The following HYAL2 variants were observed in gnomAD, a reference collection of about 807,000 sequenced individuals.
HYAL2 encodes hyaluronidase 2, also known as hyaluronidase-2.
HYAL2 carries 30 observed loss-of-function variants against 35.4 expected under a neutral mutation model. That is an observed-to-expected ratio of 0.85 (90% CI 0.63 to 1.15). The LOEUF is 1.15. Among genes scored for constraint, HYAL2 ranks in the 50% most tolerant of loss-of-function variants. The pLI is 0.00. For synonymous variants in HYAL2, 262 were observed against 252.8 expected, an observed-to-expected ratio of 1.04 and a Z score of -0.34; for missense variants, 635 against 646.5, an observed-to-expected ratio of 0.98 and a Z score of 0.19.
rs1210046032 is a variant in HYAL2 at position 50,318,711 on chromosome 3, G to A, written c.1012-172C>T. ...CCTGCTCCTGCTGAGAAGTGGGTGGGGGTACAGACCGGAACCCAGTTGGGC... is the reference window on the plus strand; with the variant it reads ...CCTGCTCCTGCTGAGAAGTGGGTGGAGGTACAGACCGGAACCCAGTTGGGC... On this transcript the variant is annotated intron_variant, in intron 3 of 3. Coordinates refer to ENST00000357750, the MANE Select transcript of HYAL2 (RefSeq NM_003773.5). The surrounding 1 kb of genome is among the most constrained non-coding windows in gnomAD (Gnocchi z 4.5). 4.0e-6 allele frequency: 3 copies of A among 746,448 alleles called. No homozygotes were observed. Among genetic ancestry groups the A allele is most frequent in the Non-Finnish European group, 6.4e-6 (3 of 465,510 alleles). 46.2% of individuals were successfully genotyped at this position (746,448 alleles called of 1,614,324 possible).
At position 50,317,861 on chromosome 3, in the gene HYAL2, T is replaced by A. The variant is rs1352503823; in HGVS notation, c.*268A>T. Reference sequence around the variant, plus strand: ...AGAGACCCCAAAATAATAATAATAATAAACTATCTAGGGCAAGGGAGTAGG... The same window carrying A: ...AGAGACCCCAAAATAATAATAATAAAAAACTATCTAGGGCAAGGGAGTAGG... On this transcript the variant is annotated 3_prime_UTR_variant, in exon 4 of 4. Coordinates refer to ENST00000357750, the MANE Select transcript of HYAL2 (RefSeq NM_003773.5). 4 of 374,548 alleles carry A rather than the reference T, an allele frequency of 1.1e-5. No individual in the cohort carries two copies. The highest frequency in any genetic ancestry group is 1.4e-5 in the Non-Finnish European group (3 of 209,002). 23.2% of individuals were successfully genotyped at this position (374,548 alleles called of 1,614,324 possible). A position where few individuals can be genotyped will look rare whatever the true frequency, so the allele number is the denominator to read the frequency against.
Position 50,318,312 on chromosome 3 carries a change from G to T in HYAL2, c.1239C>A (p.Leu413=). 1 of 1,613,524 alleles carries T rather than the reference G, an allele frequency of 6.2e-7. No individual in the cohort carries two copies. ...GEPQLRPVGE[L]SWADIDHLQT... is the part of the protein sequence containing the mutation. ...GCAGGTGGTCAATGTCGGCCCAACT[G>T]AGCTCCCCCACAGGTCGCAGCTGGG... is the stretch of plus-strand genomic sequence containing the variant. Residue 413 remains leucine (L), a synonymous_variant, in exon 4 of 4, where the codon CTC becomes CTA. Coordinates refer to ENST00000357750, the MANE Select transcript of HYAL2 (RefSeq NM_003773.5). This position sits in a 1 kb window ranked among gnomAD's most constrained non-coding sequence, Gnocchi z 4.5.
Position 50,320,194 on chromosome 3 carries a change from C to A in HYAL2, c.296G>T (p.Gly99Val), listed in dbSNP as rs1427733825. ...CCAAAGGCTGACATTCTGTGGCACA[C>A]CACCATGCACAGACCTTCCGGCAGA... ...FDSAGRSVHG[G>V]VPQNVSLWAH... is the part of the protein sequence containing the mutation. The change falls in exon 2 of 4, where the codon GGT becomes GTT. Residue 99 changes from glycine to valine, a missense_variant. Gly to Val is a moderately radical substitution (Grantham distance 109). Transcript: ENST00000357750. The surrounding 1 kb of genome is among the most constrained non-coding windows in gnomAD (Gnocchi z 4.8). 2 of 1,613,858 alleles carry A rather than the reference C, an allele frequency of 1.2e-6. No individual in the cohort carries two copies. Among genetic ancestry groups the A allele is most frequent in the Non-Finnish European group, 1.7e-6 (2 of 1,180,056 alleles).
chr3:50,320,077 C>T lies in HYAL2; in HGVS notation c.413G>A (p.Arg138Gln), dbSNP rs1553716356. Residue 138 changes from arginine to glutamine, a missense_variant, in exon 2 of 4, where the codon CGA (arginine) becomes CAA (glutamine). Physicochemically the swap from Arg to Gln is conservative, Grantham distance 43 (BLOSUM62 1). Coordinates refer to ENST00000357750, the MANE Select transcript of HYAL2 (RefSeq NM_003773.5). This position sits in a 1 kb window ranked among gnomAD's most constrained non-coding sequence, Gnocchi z 4.8. ...GLAVIDWEDW[R>Q]PVWVRNWQDK... is the part of the protein sequence containing the mutation. The stretch of plus-strand genomic sequence containing the variant: ...CTGCCAGTTGCGCACCCACACAGGT[C>T]GCCAGTCCTCCCAGTCGATGACCGC... 4 of 1,613,458 alleles carry T rather than the reference C, an allele frequency of 2.5e-6. No individual in the cohort carries two copies. The highest frequency in any genetic ancestry group is 2.5e-6 in the Non-Finnish European group (3 of 1,180,056).
Position 50,318,935 on chromosome 3 carries a change from G to C in HYAL2, c.1011+21C>G. The C allele has an allele frequency of 6.2e-7, 1 of 1,604,646 alleles. No homozygotes were observed. Among genetic ancestry groups the C allele is most frequent in the Non-Finnish European group, 8.5e-7 (1 of 1,171,650 alleles). On this transcript the variant is annotated intron_variant, in intron 3 of 3. Coordinates refer to ENST00000357750, the MANE Select transcript of HYAL2 (RefSeq NM_003773.5). This position sits in a 1 kb window ranked among gnomAD's most constrained non-coding sequence, Gnocchi z 4.5. Reference sequence around the variant, plus strand: ...CTGTCTGTCCCATAGACTGAGCTCTGGCAGGCTGGGTCTCGCTTACCGTGC... The same window carrying C: ...CTGTCTGTCCCATAGACTGAGCTCTCGCAGGCTGGGTCTCGCTTACCGTGC...
chr3:50,320,366 C>T lies in HYAL2; in HGVS notation c.124G>A (p.Val42Met), dbSNP rs1553716461. The T allele has an allele frequency of 1.9e-6, 3 of 1,613,260 alleles. No homozygotes were observed. Among genetic ancestry groups the T allele is most frequent in the Admixed American group, 1.7e-5 (1 of 59,982 alleles). ...TGRPFVVAWD[V>M]PTQDCGPRLK... ...CGTGGGCCACAGTCCTGTGTGGGCA[C>T]GTCCCACGCTACCACAAAGGGCCGG... Residue 42 changes from valine (V) to methionine (M), a missense_variant, in exon 2 of 4, where the codon GTG becomes ATG. Val to Met is a conservative substitution (Grantham distance 21). Transcript: ENST00000357750. This position sits in a 1 kb window ranked among gnomAD's most constrained non-coding sequence, Gnocchi z 4.8.
chr3:50,319,640 C>T lies in HYAL2; in HGVS notation c.850G>A (p.Ala284Thr), dbSNP rs373966676. The T allele has an allele frequency of 1.6e-4, 260 of 1,613,712 alleles. No homozygotes were observed. The highest frequency in any genetic ancestry group is 4.5e-4 in the Admixed American group (27 of 60,004). Residue 284 changes from alanine to threonine, a missense_variant, in exon 2 of 4, where the codon GCC (alanine) becomes ACC (threonine). Ala to Thr is a moderately conservative substitution (Grantham distance 58, BLOSUM62 0). Transcript: ENST00000357750. The stretch of plus-strand genomic sequence containing the variant: ...ACGTAGACTGGGAGTGCATGGTTGG[C>T]ATGGTGGGTGCGAGCCACACGAAGG... ...EALRVARTHH[A>T]NHALPVYVFT...
rs1331422322 is a variant in HYAL2 at position 50,318,989 on chromosome 3, G to A, written c.978C>T (p.Ile326=). Residue 326 remains isoleucine, a synonymous_variant, in exon 3 of 4, where the codon ATC becomes ATT. Transcript: ENST00000357750. The surrounding 1 kb of genome is among the most constrained non-coding windows in gnomAD (Gnocchi z 4.5). ...ESAALGAAGV[I]LWGDAGYTTS... ...TGGTGTACCCCGCGTCACCCCAGAG[G>A]ATGACACCAGCTGCGCCCAGGGCCG... 6.2e-6 allele frequency: 10 copies of A among 1,613,100 alleles called. No homozygotes were observed. Among genetic ancestry groups the A allele is most frequent in the Admixed American group, 1.7e-5 (1 of 59,978 alleles).
Position 50,319,011 on chromosome 3 carries a change from G to A in HYAL2, c.956C>T (p.Ala319Val). The A allele has an allele frequency of 1.9e-6, 3 of 1,610,320 alleles. No individual in the cohort carries two copies. Among genetic ancestry groups the A allele is most frequent in the Non-Finnish European group, 2.5e-6 (3 of 1,177,148 alleles). Residue 319 changes from alanine (A) to valine (V), a missense_variant, in exon 3 of 4, where the codon GCC (alanine) becomes GTC (valine). Physicochemically the swap from Ala to Val is moderately conservative, Grantham distance 64. Coordinates refer to ENST00000357750, the MANE Select transcript of HYAL2 (RefSeq NM_003773.5). ...DLISTIGESA[A>V]LGAAGVILWG... ...GAGGATGACACCAGCTGCGCCCAGGGCCGCACTCTCGCCAATGGTAGAGAT... is the reference window on the plus strand; with the variant it reads ...GAGGATGACACCAGCTGCGCCCAGGACCGCACTCTCGCCAATGGTAGAGAT...
Position 50,320,671 on chromosome 3 carries a change from G to T in HYAL2, c.-46-136C>A, listed in dbSNP as rs140738072. On this transcript the variant is annotated intron_variant, in intron 1 of 3. Transcript: ENST00000357750. The surrounding 1 kb of genome is among the most constrained non-coding windows in gnomAD (Gnocchi z 4.8). ...GCTGTAATAGGTTTGAGAGACCACA[G>T]GCCACTGCAGGGCAGACAAGGCACC... The T allele has an allele frequency of 2.7e-4, 162 of 597,018 alleles. No homozygotes were observed. Among genetic ancestry groups the T allele is most frequent in the African/African-American group, 2.7e-3 (144 of 54,086 alleles). The allele number at this position is 597,018 out of a possible 1,614,324, so 37.0% of individuals were successfully genotyped here.
chr3:50,321,586 C>T (rs1310890973), intron 1 of HYAL2: 6 of 152,138 alleles, frequency 3.9e-5, no homozygotes, highest in Middle Eastern at 3.2e-3. Context: ...GTGCCGGTGC[C>T]TCGTTTCGGG....
rs184629430 is a variant in HYAL2, at chr3:50,318,721, C to T, written c.1012-182G>A. 262 of 709,742 alleles carry T rather than the reference C, an allele frequency of 3.7e-4. No homozygotes were observed. Among genetic ancestry groups the T allele is most frequent in the African/African-American group, 5.7e-4 (32 of 56,092 alleles). The allele number at this position is 709,742 out of a possible 1,614,324, so 44.0% of individuals were successfully genotyped here. ...CTGAGAAGTGGGTGGGGGTACAGACCGGAACCCAGTTGGGCAGATGGGGAA... is the reference window on the plus strand; with the variant it reads ...CTGAGAAGTGGGTGGGGGTACAGACTGGAACCCAGTTGGGCAGATGGGGAA... On this transcript the variant is annotated intron_variant, in intron 3 of 3. Transcript: ENST00000357750. The surrounding 1 kb of genome is among the most constrained non-coding windows in gnomAD (Gnocchi z 4.5).
At position 50,320,101 on chromosome 3, in the gene HYAL2, G is replaced by A. The variant is rs781949610; in HGVS notation, c.389C>T (p.Ala130Val). ...TCGCCAGTCCTCCCAGTCGATGACCGCCAGCCCCGCAGACTCCTGTGTCCG... is the reference window on the plus strand; with the variant it reads ...TCGCCAGTCCTCCCAGTCGATGACCACCAGCCCCGCAGACTCCTGTGTCCG... Reference protein sequence around the residue: ...YIRTQESAGLAVIDWEDWRPV... With the variant: ...YIRTQESAGLVVIDWEDWRPV... Residue 130 changes from alanine (A) to valine (V), a missense_variant, in exon 2 of 4, where the codon GCG becomes GTG. Ala to Val is a moderately conservative substitution (Grantham distance 64). Coordinates refer to ENST00000357750, the MANE Select transcript of HYAL2 (RefSeq NM_003773.5). This position sits in a 1 kb window ranked among gnomAD's most constrained non-coding sequence, Gnocchi z 4.8. The A allele has an allele frequency of 3.7e-6, 6 of 1,613,690 alleles. No individual in the cohort carries two copies. Among genetic ancestry groups the A allele is most frequent in the African/African-American group, 1.3e-5 (1 of 75,046 alleles).
In HYAL2 at chr3:50,319,866, A is replaced by G. The variant is rs1553716278; in HGVS notation, c.624T>C (p.Phe208=). 1 of 1,613,700 alleles carries G rather than the reference A, an allele frequency of 6.2e-7. No homozygotes were observed. Among genetic ancestry groups the G allele is most frequent in the East Asian group, 2.2e-5 (1 of 44,882 alleles). ...CATAATCATGATTGTAGCAGTCAGG[A>G]AAGAGGTAGAAGCCCCAGAGGTGCC... ...RPRHLWGFYL[F]PDCYNHDYVQ... is the part of the protein sequence containing the mutation. The change falls in exon 2 of 4, where the codon TTT becomes TTC. Residue 208 remains phenylalanine, a synonymous_variant. Coordinates refer to ENST00000357750, the MANE Select transcript of HYAL2 (RefSeq NM_003773.5).
chr3:50,321,770 A>T (rs1419113818), intron 1 of HYAL2: 1 of 128,660 alleles, frequency 7.8e-6, no homozygotes, highest in Non-Finnish European at 1.6e-5. Context: ...CGGCGCCGCC[A>T]GCCCTTTAAA....
Position 50,319,678 on chromosome 3 carries a change from C to T in HYAL2, c.812G>A (p.Arg271His), listed in dbSNP as rs781853516. 3.7e-6 allele frequency: 6 copies of T among 1,613,820 alleles called. No individual in the cohort carries two copies. The highest frequency in any genetic ancestry group is 1.3e-5 in the African/African-American group (1 of 74,900). Residue 271 changes from arginine to histidine, a missense_variant, in exon 2 of 4, where the codon CGT becomes CAT. Transcript: ENST00000357750. ...AGCCACACGAAGGGCCTCCTGAACA[C>T]GGAAGCTCACAAAGTTGCGGCCATG... The part of the protein sequence containing the change: ...SRHGRNFVSF[R>H]VQEALRVART...
Position 50,317,944 on chromosome 3 carries a change from G to A in HYAL2, c.*185C>T. The A allele has an allele frequency of 1.7e-6, 1 of 572,852 alleles. No homozygotes were observed. Among genetic ancestry groups the A allele is most frequent in the Non-Finnish European group, 3.0e-6 (1 of 332,476 alleles). The allele number at this position is 572,852 out of a possible 1,614,324, so 35.5% of individuals were successfully genotyped here. On this transcript the variant is annotated 3_prime_UTR_variant, in exon 4 of 4. Transcript: ENST00000357750. ...TTCCCCTCTGGCAGGGAGAGAAGGGGCCTCCCAGGGACTTCCCCTCCCCCT... is the reference window on the plus strand; with the variant it reads ...TTCCCCTCTGGCAGGGAGAGAAGGGACCTCCCAGGGACTTCCCCTCCCCCT...
At chr3:50,321,676 A>C (rs587703120) in intron 1 of HYAL2, 1 of 151,762 alleles carries the variant, frequency 6.6e-6, no homozygotes, top group Non-Finnish European at 1.5e-5. Flanking sequence ...CGGGCTTTCT[A>C]TGGGAGTCTC....
rs782698144 is a variant in HYAL2 at position 50,318,853 on chromosome 3, C to G, written c.1011+103G>C. The G allele has an allele frequency of 9.8e-7, 1 of 1,020,802 alleles. No homozygotes were observed. Among genetic ancestry groups the G allele is most frequent in the Non-Finnish European group, 1.5e-6 (1 of 653,604 alleles). 63.2% of individuals were successfully genotyped at this position (1,020,802 alleles called of 1,614,324 possible). A position where few individuals can be genotyped will look rare whatever the true frequency, so the allele number is the denominator to read the frequency against. ...AGGGATGCCTCGGGTGGGAGACAGACAAGGGGACCAGACTAGGATTGCCCA... is the reference window on the plus strand; with the variant it reads ...AGGGATGCCTCGGGTGGGAGACAGAGAAGGGGACCAGACTAGGATTGCCCA... On this transcript the variant is annotated intron_variant, in intron 3 of 3. Transcript: ENST00000357750. The surrounding 1 kb of genome is among the most constrained non-coding windows in gnomAD (Gnocchi z 4.5).
Sources: allele counts gnomAD v4.1 joint callset, GRCh38; gene constraint gnomAD v4.1.1; non-coding constraint Gnocchi (gnomAD v3.1); transcripts MANE v1.5; gene names NCBI Gene and HGNC (gene_info 2026-07-23, HGNC 2026-07-21).